PCDHGA1: variants seen among roughly 807,000 people sequenced by gnomAD.
PCDHGA1 encodes protocadherin gamma subfamily A, 1.
PCDHGA1 carries 32 observed loss-of-function variants against 58.0 expected under a neutral mutation model. That is an observed-to-expected ratio of 0.55 (90% CI 0.42 to 0.74). PCDHGA1 has a LOEUF of 0.74. Among genes scored for constraint, PCDHGA1 ranks in the 30% least tolerant of loss-of-function variants. The pLI, the probability that PCDHGA1 is intolerant of heterozygous loss-of-function variation, is 0.00. For synonymous variants in PCDHGA1, 498 were observed against 501.1 expected (o/e 0.99, Z 0.08); for missense variants, 1,205 against 1,182.3 (o/e 1.02, Z -0.28).
rs1224625072 is a variant in PCDHGA1 at position 141,490,972 on chromosome 5, C to A, written c.2422-3835C>A. On this transcript the variant is annotated intron_variant, in intron 1 of 3. Transcript: ENST00000517417. The surrounding 1 kb of genome is among the most constrained non-coding windows in gnomAD (Gnocchi z 5.4). ...AGACTGGGAACACTCAGCCCCCCAG[C>A]GTCTCCCTCGCTCTGCTCCTCCTGG... is the stretch of plus-strand genomic sequence containing the variant. 2 of 1,613,912 alleles carry A rather than the reference C, an allele frequency of 1.2e-6. No individual in the cohort carries two copies. Among genetic ancestry groups the A allele is most frequent in the Non-Finnish European group, 1.7e-6 (2 of 1,179,922 alleles).
rs776805404 is a variant in PCDHGA1 at position 141,351,555 on chromosome 5, C to G, written c.2421+18450C>G. The G allele has an allele frequency of 1.9e-6, 3 of 1,614,022 alleles. No individual in the cohort carries two copies. The highest frequency in any genetic ancestry group is 2.5e-6 in the Non-Finnish European group (3 of 1,179,894). ...GGCAAACCAGCCCTTTCCTCCAGGA[C>G]AAGCATCACCCTGCACATCTCCGAC... is the stretch of plus-strand genomic sequence containing the variant. On this transcript the variant is annotated intron_variant, in intron 1 of 3. Transcript: ENST00000517417.
intron 1 of PCDHGA1, chr5:141,365,066 G>A (rs1763717164): frequency 2.5e-6 from 4 of 1,613,774 alleles, no homozygotes; most frequent in African/African-American, 1.3e-5. Flanking sequence ...CACCCCATCC[G>A]AGTACAGCGT....
chr5:141,505,182 C>T (rs1302018549), intron 2 of PCDHGA1, among the ~76,000 whole-genome samples: 2 of 152,094 alleles, frequency 1.3e-5, no homozygotes, highest in East Asian at 3.9e-4. Context: ...AAAAAAGCAT[C>T]GGAGGCAGCA....
In PCDHGA1 at chr5:141,448,771, T is replaced by C. The variant is rs564309379; in HGVS notation, c.2422-46036T>C. Among the ~76,000 whole-genome samples the C allele has an allele frequency of 6.6e-4, 100 of 151,738 alleles. 1 individual carries two copies. The highest frequency in any genetic ancestry group is 6.8e-3 in the Middle Eastern group (2 of 294). On this transcript the variant is annotated intron_variant, in intron 1 of 3. Coordinates refer to ENST00000517417, the MANE Select transcript of PCDHGA1 (RefSeq NM_018912.3). ...CTGGCTAACACGGTGAAACCCCGTCTGTACTAAAAATACAAAAAAAAAAAT... is the reference window on the plus strand; with the variant it reads ...CTGGCTAACACGGTGAAACCCCGTCCGTACTAAAAATACAAAAAAAAAAAT...
Position 141,490,536 on chromosome 5 carries a change from T to C in PCDHGA1, c.2422-4271T>C. ...TGCTGGCCAGCGATGCTGGTTCACCTTCCCTACACAAACATCTCACCATCA... is the reference window on the plus strand; with the variant it reads ...TGCTGGCCAGCGATGCTGGTTCACCCTCCCTACACAAACATCTCACCATCA... On this transcript the variant is annotated intron_variant, in intron 1 of 3. Transcript: ENST00000517417. The surrounding 1 kb of genome is among the most constrained non-coding windows in gnomAD (Gnocchi z 5.4). The C allele has an allele frequency of 1.9e-6, 3 of 1,614,150 alleles. No individual in the cohort carries two copies. The highest frequency in any genetic ancestry group is 2.5e-6 in the Non-Finnish European group (3 of 1,180,010).
At chr5:141,374,144 G>A in intron 1 of PCDHGA1, 1 of 1,610,858 alleles carries the variant, frequency 6.2e-7, no homozygotes, top group Admixed American at 1.7e-5. Flanking sequence ...CACGCTCCTG[G>A]GGACGCTGTG....
intron 1 of PCDHGA1, chr5:141,478,721 C>A: frequency 6.5e-7 from 1 of 1,543,216 alleles, no homozygotes; most frequent in Non-Finnish European, 8.8e-7. Context: ...TGGTGGCCTG[C>A]CAGAGTGTGG....
At chr5:141,376,187 T>C in intron 1 of PCDHGA1, 3 of 1,614,148 alleles carry the variant, frequency 1.9e-6, no homozygotes, top group Non-Finnish European at 2.5e-6. Flanking sequence ...CGCGGTCTCC[T>C]GCGTCTTCCT....
chr5:141,472,281 C>A (rs944776124), intron 1 of PCDHGA1, among the ~76,000 whole-genome samples: 2 of 152,202 alleles, frequency 1.3e-5, no homozygotes, highest in Non-Finnish European at 2.9e-5. Context: ...GTGGCTCACA[C>A]CTGTAATCCC....
intron 1 of PCDHGA1, chr5:141,413,151 T>G (rs1192899612): frequency 6.4e-7 from 1 of 1,573,560 alleles, no homozygotes; most frequent in Non-Finnish European, 8.6e-7. Context: ...GTGAGGACTT[T>G]GCAGAATTCT....
At position 141,331,436 on chromosome 5, in the gene PCDHGA1, TCCCCGAAAACGTG is replaced by T. The variant is rs1756357072; in HGVS notation, c.755_767del (p.Pro252ArgfsTer9). 1 of 1,613,962 alleles carries T rather than the reference TCCCCGAAAACGTG, an allele frequency of 6.2e-7. No individual in the cohort carries two copies. The highest frequency in any genetic ancestry group is 1.1e-5 in the South Asian group (1 of 91,076). On this transcript the variant is annotated frameshift_variant, in exon 1 of 4. Coordinates refer to ENST00000517417, the MANE Select transcript of PCDHGA1 (RefSeq NM_018912.3). LOFTEE classifies it high-confidence loss of function. ...ACTCAGGCACAATACCATATAAATGTCCCCGAAAACGTGCCGCTGGGTACTCAGCTGCTCATGG... is the reference window on the plus strand; with the variant it reads ...ACTCAGGCACAATACCATATAAATGTCCGCTGGGTACTCAGCTGCTCATGG...
At chr5:141,343,896 A>G (rs1344070709) in intron 1 of PCDHGA1, 1 of 771,716 alleles carries the variant, frequency 1.3e-6, no homozygotes, top group African/African-American at 1.8e-5. Context: ...GGCGGCTGCC[A>G]ACCTCACCTC....
chr5:141,372,177 G>T (rs1768466663), intron 1 of PCDHGA1: 1 of 1,613,730 alleles, frequency 6.2e-7, no homozygotes, highest in African/African-American at 1.3e-5. Flanking sequence ...GGTGGCGGTG[G>T]ACGCAGACTC....
chr5:141,371,793 C>T (rs768654364), intron 1 of PCDHGA1: 12 of 1,613,808 alleles, frequency 7.4e-6, no homozygotes, highest in Non-Finnish European at 9.3e-6. Context: ...GAACAATCCG[C>T]CTGGAGCCTC....
chr5:141,481,871 G>T (rs372191396), intron 1 of PCDHGA1, among the ~76,000 whole-genome samples: 1 of 144,788 alleles, frequency 6.9e-6, no homozygotes, highest in Non-Finnish European at 1.5e-5. Context: ...CCGAGATCGC[G>T]CCACTGCACT....
chr5:141,478,927 C>T (rs2154577116), intron 1 of PCDHGA1: 2 of 690,162 alleles, frequency 2.9e-6, no homozygotes, highest in East Asian at 6.0e-5. Flanking sequence ...TAACCAGTGG[C>T]AGCTTCTAGG....
chr5:141,423,423 G>C (rs1561809630), intron 1 of PCDHGA1: 2 of 1,614,096 alleles, frequency 1.2e-6, no homozygotes, highest in Non-Finnish European at 8.5e-7. Flanking sequence ...CTGAAGGCGG[G>C]TTGGCAGGTA....
At chr5:141,461,013 C>G (rs981329088) in intron 1 of PCDHGA1, among the ~76,000 whole-genome samples, 2 of 148,522 alleles carry the variant, frequency 1.3e-5, no homozygotes, top group Non-Finnish European at 3.0e-5. Flanking sequence ...ATATATATAC[C>G]ACATTTTCTT....
At chr5:141,417,821 A>C in intron 1 of PCDHGA1, 3 of 1,515,060 alleles carry the variant, frequency 2.0e-6, no homozygotes, top group Non-Finnish European at 1.8e-6. Context: ...ACTTTCTCCA[A>C]CTGGAAAAGC....
Sources: gnomAD v4.1 joint callset for allele counts (sites outside exome capture counted in the v4.1 genomes callset) on GRCh38, gnomAD v4.1.1 for gene constraint, Gnocchi (gnomAD v3.1) non-coding constraint, MANE v1.5 for transcripts, NCBI Gene and HGNC (gene_info 2026-07-23, HGNC 2026-07-21) for gene names.